The following IMMP2L variants were observed in gnomAD, a reference collection of about 807,000 sequenced individuals.
IMMP2L encodes mitochondrial inner membrane protease subunit 2.
In IMMP2L, 18 loss-of-function variants were observed where a neutral mutation model predicts 19.3. The ratio of observed to expected loss-of-function variants is 0.93; its 90% CI spans 0.64 to 1.38. The LOEUF (loss-of-function observed/expected upper bound fraction) is 1.38, where lower values mean the gene tolerates loss of function less well. Among genes scored for constraint, IMMP2L ranks in the 40% most tolerant of loss-of-function variants. IMMP2L has a pLI of 0.00. For synonymous variants in IMMP2L, 76 were observed against 73.0 expected, an observed-to-expected ratio of 1.04 and a Z score of -0.21; for missense variants, 233 against 218.2, an observed-to-expected ratio of 1.07 and a Z score of -0.43.
chr7:110,801,288 T>C (rs558918988), intron 5 of IMMP2L, among the ~76,000 whole-genome samples: 1 of 152,204 alleles, frequency 6.6e-6, no homozygotes, highest in African/African-American at 2.4e-5. Flanking sequence ...TGTTTGAATC[T>C]AATATTTTGC....
chr7:111,289,542 T>G (rs1223531259), intron 3 of IMMP2L, among the ~76,000 whole-genome samples: 17 of 152,136 alleles, frequency 1.1e-4, no homozygotes, highest in Admixed American at 1.1e-3. Flanking sequence ...AACCTGGACC[T>G]GAAATTATAA....
At chr7:110,725,596 C>T (rs1795836564) in intron 5 of IMMP2L, 1 of 152,140 alleles carries the variant, frequency 6.6e-6, no homozygotes, top group African/African-American at 2.4e-5. Context: ...AAAGAACTAA[C>T]ATTTGCTGAT....
chr7:110,953,684 A>C (rs1169669217), intron 4 of IMMP2L, among the ~76,000 whole-genome samples: 1 of 152,268 alleles, frequency 6.6e-6, no homozygotes, highest in East Asian at 1.9e-4. Flanking sequence ...GTATATACCC[A>C]GGAATGGGAT....
intron 3 of IMMP2L, among the ~76,000 whole-genome samples, chr7:111,264,737 A>C (rs911177913): frequency 2.8e-4 from 43 of 151,022 alleles, no homozygotes; most frequent in African/African-American, 1.0e-3. Flanking sequence ...CTAGATATGG[A>C]AACAGCCAAC....
chr7:110,685,074 G>A (rs1229692033), intron 5 of IMMP2L, among the ~76,000 whole-genome samples: 1 of 152,024 alleles, frequency 6.6e-6, no homozygotes, highest in African/African-American at 2.4e-5. Flanking sequence ...GGAAGGGGAT[G>A]TCTCAACTCA....
chr7:111,100,801 T>C (rs1249635081), intron 3 of IMMP2L, among the ~76,000 whole-genome samples: 1 of 151,564 alleles, frequency 6.6e-6, no homozygotes, highest in African/African-American at 2.4e-5. Context: ...TATCATTTCT[T>C]AGGGAATGGA....
intron 3 of IMMP2L, among the ~76,000 whole-genome samples, chr7:111,098,684 G>A (rs1185484255): frequency 6.6e-6 from 1 of 151,566 alleles, no homozygotes; most frequent in African/African-American, 2.4e-5. Flanking sequence ...TCTTCATAAC[G>A]ACCGTACTAA....
chr7:111,226,878 A>G (rs1051412699), intron 3 of IMMP2L, among the ~76,000 whole-genome samples: 2 of 152,044 alleles, frequency 1.3e-5, no homozygotes, highest in African/African-American at 4.8e-5. Flanking sequence ...ATACGAAGGG[A>G]CAGAATGGAG....
At chr7:111,008,717 G>A (rs1057199735) in intron 3 of IMMP2L, among the ~76,000 whole-genome samples, 1 of 151,880 alleles carries the variant, frequency 6.6e-6, no homozygotes, top group Admixed American at 6.6e-5. Flanking sequence ...TGTATCCTCA[G>A]TGCCTAGAAT....
intron 5 of IMMP2L, among the ~76,000 whole-genome samples, chr7:110,831,220 T>G (rs749594606): frequency 7.9e-5 from 12 of 152,096 alleles, no homozygotes; most frequent in Non-Finnish European, 1.5e-4. Context: ...CTCTCTACCT[T>G]CCCTTCTACC....
At chr7:110,879,396 A>G (rs908715124) in intron 5 of IMMP2L, among the ~76,000 whole-genome samples, 2 of 151,864 alleles carry the variant, frequency 1.3e-5, no homozygotes, top group Non-Finnish European at 2.9e-5. Context: ...TCAAAAAAAA[A>G]AAAGGAAGTA....
At chr7:111,523,376 T>A (rs574797913) in intron 1 of IMMP2L, among the ~76,000 whole-genome samples, 1 of 152,144 alleles carries the variant, frequency 6.6e-6, no homozygotes, top group South Asian at 2.1e-4. Context: ...AAACATTATG[T>A]TGTATACAAT....
intron 5 of IMMP2L, among the ~76,000 whole-genome samples, chr7:110,829,393 C>T (rs531085683): frequency 1.3e-5 from 2 of 152,238 alleles, no homozygotes; most frequent in Admixed American, 6.5e-5. Context: ...TAGCATTTTG[C>T]TTTAGCTGTT....
chr7:110,960,207 T>G (rs191734911), intron 4 of IMMP2L, among the ~76,000 whole-genome samples: 1 of 151,994 alleles, frequency 6.6e-6, no homozygotes, highest in Non-Finnish European at 1.5e-5. Context: ...ATATAATTCA[T>G]ATAACAGAGA....
chr7:111,376,755 A>C (rs962757559), intron 3 of IMMP2L, among the ~76,000 whole-genome samples: 4 of 152,118 alleles, frequency 2.6e-5, no homozygotes, highest in African/African-American at 9.7e-5. Context: ...CAACATGATG[A>C]ACCTTGAAGA....
chr7:111,236,628 A>G (rs1814348132), intron 3 of IMMP2L, among the ~76,000 whole-genome samples: 2 of 152,132 alleles, frequency 1.3e-5, no homozygotes, highest in African/African-American at 4.8e-5. Flanking sequence ...GACCTTCTGC[A>G]TATCTATATA....
intron 3 of IMMP2L, among the ~76,000 whole-genome samples, chr7:111,400,540 C>T (rs981167336): frequency 6.6e-6 from 1 of 152,116 alleles, no homozygotes; most frequent in Non-Finnish European, 1.5e-5. Context: ...GCCTACCCCA[C>T]TGTCCATTTA....
chr7:110,888,942 A>T lies in IMMP2L; in HGVS notation c.306-2247T>A, dbSNP rs140790205. ...GTTAAATGAATGACCAAATGAATGA[A>T]TATCTGAAGAATAAAAAATACTGCC... On this transcript the variant is annotated intron_variant, in intron 4 of 5. Coordinates refer to ENST00000405709, the MANE Select transcript of IMMP2L (RefSeq NM_032549.4). 9.1e-3 allele frequency among the ~76,000 whole-genome samples: 1,384 copies of T among 152,328 alleles called. 18 individuals are homozygous for T. The highest frequency in any genetic ancestry group is 0.031 in the African/African-American group (1,275 of 41,570).
intron 3 of IMMP2L, among the ~76,000 whole-genome samples, chr7:110,973,283 A>AAAAAC (rs1820345606): frequency 6.6e-6 from 1 of 152,122 alleles, no homozygotes; most frequent in Non-Finnish European, 1.5e-5. Context: ...TTTATACTGT[A>AAAAAC]AAAACATATA....
Sources: gnomAD v4.1 joint callset for allele counts (sites outside exome capture counted in the v4.1 genomes callset) on GRCh38, gnomAD v4.1.1 for gene constraint, MANE v1.5 for transcripts, NCBI Gene and HGNC (gene_info 2026-07-23, HGNC 2026-07-21) for gene names.